Variants in TRIM24 observed in about 807,000 individuals in gnomAD.
TRIM24 encodes the protein transcription intermediary factor 1-alpha.
TRIM24 carries 29 observed loss-of-function variants against 123.9 expected under a neutral mutation model. That is an observed-to-expected ratio of 0.23 (90% confidence interval 0.17 to 0.32). The LOEUF is 0.32. TRIM24 is among the 10% of genes least tolerant of loss of function. The pLI is 1.00. For synonymous variants in TRIM24, 456 were observed against 461.1 expected (o/e 0.99, Z 0.14); for missense variants, 932 against 1,295.3 (o/e 0.72, Z 4.31).
At chr7:138,501,887 C>CAAAAA (rs561303066) in intron 1 of TRIM24, among the ~76,000 whole-genome samples, 51 of 136,542 alleles carry the variant, frequency 3.7e-4, no homozygotes, top group Middle Eastern at 3.9e-3. Context: ...GACTCCGTCT[C>CAAAAA]AAAAAAAAAA....
At chr7:138,576,789 C>A (rs1229543855) in intron 13 of TRIM24, among the ~76,000 whole-genome samples, 2 of 152,158 alleles carry the variant, frequency 1.3e-5, no homozygotes, top group African/African-American at 4.8e-5. Context: ...AATTTGATCT[C>A]TAATGACTAA....
chr7:138,478,138 G>A (rs905036824), intron 1 of TRIM24, among the ~76,000 whole-genome samples: 12 of 152,062 alleles, frequency 7.9e-5, no homozygotes, highest in Non-Finnish European at 1.6e-4. Flanking sequence ...TTATAAATTT[G>A]TTGGAAAACT....
At chr7:138,498,241 T>C (rs1795957730) in intron 1 of TRIM24, among the ~76,000 whole-genome samples, 2 of 152,080 alleles carry the variant, frequency 1.3e-5, no homozygotes, top group Admixed American at 1.3e-4. Flanking sequence ...TTATTTTTTT[T>C]CGAGACAGAG....
At chr7:138,520,087 G>T (rs964043668) in intron 4 of TRIM24, among the ~76,000 whole-genome samples, 1 of 152,210 alleles carries the variant, frequency 6.6e-6, no homozygotes, top group Non-Finnish European at 1.5e-5. Flanking sequence ...GGACAGGATT[G>T]GGTTGGAGTT....
At chr7:138,493,494 G>A (rs1476593102) in intron 1 of TRIM24, among the ~76,000 whole-genome samples, 1 of 152,154 alleles carries the variant, frequency 6.6e-6, no homozygotes, top group Non-Finnish European at 1.5e-5. Context: ...TGAAGTTTCT[G>A]TCCCATTATC....
intron 1 of TRIM24, among the ~76,000 whole-genome samples, chr7:138,465,186 C>T (rs375013881): frequency 2.0e-5 from 3 of 152,148 alleles, no homozygotes; most frequent in South Asian, 2.1e-4. Context: ...TTTAAAACTT[C>T]GGTTTAACTG....
intron 9 of TRIM24, among the ~76,000 whole-genome samples, chr7:138,566,349 CTACTAAAAA>C: frequency 6.6e-6 from 1 of 152,162 alleles, no homozygotes; most frequent in Middle Eastern, 3.4e-3. Context: ...AACCCCATCT[CTACTAAAAA>C]TACAAAAATT....
intron 3 of TRIM24, among the ~76,000 whole-genome samples, chr7:138,517,918 T>C (rs1796433829): frequency 6.6e-6 from 1 of 152,192 alleles, no homozygotes; most frequent in African/African-American, 2.4e-5. Flanking sequence ...TTTTGAGAGT[T>C]CCCCCTGTGA....
At position 138,505,920 on chromosome 7, in the gene TRIM24, T is replaced by A. The variant is rs76462583; in HGVS notation, c.483+1512T>A. 6.8e-3 allele frequency among the ~76,000 whole-genome samples: 1,037 copies of A among 152,360 alleles called. 15 individuals carry two copies. Among genetic ancestry groups the A allele is most frequent in the African/African-American group, 0.024 (979 of 41,586 alleles). ...GTTTGTGCTAAGTATAGTGTGTTAGTCTACTTTTGGATCTTGATTCATTGA... is the reference window on the plus strand; with the variant it reads ...GTTTGTGCTAAGTATAGTGTGTTAGACTACTTTTGGATCTTGATTCATTGA... On this transcript the variant is annotated intron_variant, in intron 2 of 18. Coordinates refer to ENST00000343526, the MANE Select transcript of TRIM24 (RefSeq NM_015905.3).
At chr7:138,567,187 T>C (rs1216476998) in intron 9 of TRIM24, among the ~76,000 whole-genome samples, 1 of 152,164 alleles carries the variant, frequency 6.6e-6, no homozygotes, top group Admixed American at 6.6e-5. Context: ...AAAGACACAT[T>C]TTATTTACTT....
intron 1 of TRIM24, among the ~76,000 whole-genome samples, chr7:138,501,070 A>T (rs1406368467): frequency 6.6e-6 from 1 of 152,082 alleles, no homozygotes; most frequent in African/African-American, 2.4e-5. Context: ...AGTGCATATG[A>T]AGGGGGCCTA....
At chr7:138,526,877 A>G (rs1294281701) in intron 5 of TRIM24, among the ~76,000 whole-genome samples, 1 of 152,190 alleles carries the variant, frequency 6.6e-6, no homozygotes, top group Non-Finnish European at 1.5e-5. Context: ...TTATTGAATG[A>G]ATGAAGAGAG....
At chr7:138,538,909 C>T (rs1272768881) in intron 7 of TRIM24, 106 bp downstream of exon 7, 1 of 1,023,692 alleles carries the variant, frequency 9.8e-7, no homozygotes, top group East Asian at 2.7e-5. Context: ...TGCTTTTTAC[C>T]TATTTCTAAT....
chr7:138,551,283 G>A, intron 8 of TRIM24, 103 bp downstream of exon 8: 1 of 1,005,538 alleles, frequency 9.9e-7, no homozygotes, highest in Non-Finnish European at 1.5e-6. Context: ...TGGGCACGGT[G>A]GCTCACATCT....
intron 1 of TRIM24, among the ~76,000 whole-genome samples, chr7:138,487,295 T>G (rs565191327): frequency 1.5e-3 from 235 of 152,338 alleles, no homozygotes; most frequent in Non-Finnish European, 2.6e-3. Context: ...CAGGGACAAT[T>G]TGACTTCCTC....
intron 5 of TRIM24, among the ~76,000 whole-genome samples, chr7:138,527,013 T>C (rs1354499089): frequency 6.6e-6 from 1 of 152,126 alleles, no homozygotes; most frequent in East Asian, 1.9e-4. Context: ...TTTCACTGAG[T>C]ATATGGTTTG....
intron 4 of TRIM24, among the ~76,000 whole-genome samples, chr7:138,523,683 A>G (rs1796549879): frequency 6.8e-6 from 1 of 148,058 alleles, no homozygotes; most frequent in South Asian, 2.2e-4. Context: ...CCCAGGAGGC[A>G]GAGCTTCCAG....
rs933532139 is a variant in TRIM24, at chr7:138,586,265, A to T, written c.*1314A>T. 5.8e-6 allele frequency: 1 copy of T among 170,988 alleles called. No individual in the cohort carries two copies. Among genetic ancestry groups the T allele is most frequent in the Non-Finnish European group, 1.3e-5 (1 of 79,140 alleles). 10.6% of individuals were successfully genotyped at this position (170,988 alleles called of 1,614,324 possible). ...AATATCTAAATGGTTTGCCGAAGTTAATCTGTATTTATAAAACATTAACTG... is the reference window on the plus strand; with the variant it reads ...AATATCTAAATGGTTTGCCGAAGTTTATCTGTATTTATAAAACATTAACTG... On this transcript the variant is annotated 3_prime_UTR_variant, in exon 19 of 19. Transcript: ENST00000343526.
At chr7:138,503,184 G>A (rs1796078353) in intron 1 of TRIM24, among the ~76,000 whole-genome samples, 1 of 151,898 alleles carries the variant, frequency 6.6e-6, no homozygotes, top group Admixed American at 6.6e-5. Flanking sequence ...AATTGTTACA[G>A]CTTTATAGTA....
Sources: gnomAD v4.1 joint callset for allele counts (sites outside exome capture counted in the v4.1 genomes callset) on GRCh38, gnomAD v4.1.1 for gene constraint, MANE v1.5 for transcripts, NCBI Gene and HGNC (gene_info 2026-07-23, HGNC 2026-07-21) for gene names.